P4HA1: variants seen among roughly 807,000 people sequenced by gnomAD.
P4HA1 encodes the protein prolyl 4-hydroxylase subunit alpha-1.
In P4HA1, 24 loss-of-function variants were observed where a neutral mutation model predicts 72.8. The ratio of observed to expected loss-of-function variants is 0.33; its 90% CI spans 0.24 to 0.46. The LOEUF is 0.46. Among genes scored for constraint, P4HA1 ranks in the 20% least tolerant of loss-of-function variants. P4HA1 has a pLI of 1.00. For missense variants in P4HA1, 446 were observed against 640.6 expected (o/e 0.70, Z 3.28); for synonymous variants, 201 against 218.8 (o/e 0.92, Z 0.72).
At chr10:73,071,717 CAT>C (rs1047820244) in intron 4 of P4HA1, among the ~76,000 whole-genome samples, 3 of 151,756 alleles carry the variant, frequency 2.0e-5, no homozygotes, top group Non-Finnish European at 4.4e-5. Context: ...CAGATAAAGA[CAT>C]AAATTTTTAA....
intron 1 of P4HA1, 107 bp downstream of exon 1, chr10:73,096,659 G>GCC (rs1419623180): frequency 1.3e-5 from 2 of 153,452 alleles, no homozygotes; most frequent in East Asian, 3.9e-4. Context: ...GGGAACCCCC[G>GCC]CCCCAGAAGT....
At chr10:73,067,266 A>G (rs1197866372) in intron 5 of P4HA1, among the ~76,000 whole-genome samples, 1 of 152,232 alleles carries the variant, frequency 6.6e-6, no homozygotes, top group Non-Finnish European at 1.5e-5. Flanking sequence ...GTAGCTTGAT[A>G]ATCTATCCAC....
At chr10:73,033,409 T>C (rs984024893) in intron 9 of P4HA1, among the ~76,000 whole-genome samples, 3 of 152,154 alleles carry the variant, frequency 2.0e-5, no homozygotes, top group Non-Finnish European at 2.9e-5. Flanking sequence ...CCTTCAGCCT[T>C]ATAGAGGCAG....
chr10:73,058,794 T>TTTTTTTTA (rs1491300084), intron 5 of P4HA1, among the ~76,000 whole-genome samples: 1 of 137,252 alleles, frequency 7.3e-6, no homozygotes, highest in African/African-American at 2.9e-5. Flanking sequence ...TTTTTTTTTT[T>TTTTTTTTA]GAGACGAAGT....
At chr10:73,051,364 G>C in intron 6 of P4HA1, 115 bp from the exon 7 acceptor site, 1 of 616,712 alleles carries the variant, frequency 1.6e-6, no homozygotes, top group Non-Finnish European at 2.8e-6. Context: ...CCAGGTTGCT[G>C]TTGTGAGTGA....
chr10:73,042,514 C>T (rs945740454), intron 9 of P4HA1, among the ~76,000 whole-genome samples: 3 of 152,062 alleles, frequency 2.0e-5, no homozygotes, highest in South Asian at 2.1e-4. Flanking sequence ...ATATTGAAAA[C>T]GTTGGTAATT....
At chr10:73,040,555 A>C (rs1212291442) in intron 9 of P4HA1, among the ~76,000 whole-genome samples, 1 of 149,280 alleles carries the variant, frequency 6.7e-6, no homozygotes, top group East Asian at 2.0e-4. Context: ...GGCTCACTGC[A>C]ATCTCTACCT....
intron 9 of P4HA1, among the ~76,000 whole-genome samples, chr10:73,040,828 T>C (rs185576610): frequency 6.6e-6 from 1 of 152,318 alleles, no homozygotes; most frequent in East Asian, 1.9e-4. Flanking sequence ...TTTAGCTATT[T>C]ACAAACTTTA....
At chr10:73,065,816 T>C (rs745567797) in intron 5 of P4HA1, among the ~76,000 whole-genome samples, 7 of 151,856 alleles carry the variant, frequency 4.6e-5, no homozygotes, top group Non-Finnish European at 1.0e-4. Context: ...AAGCAAAAAA[T>C]TGGACAAAAT....
intron 1 of P4HA1, among the ~76,000 whole-genome samples, chr10:73,090,910 A>G (rs1264209148): frequency 3.3e-5 from 5 of 151,596 alleles, no homozygotes; most frequent in Non-Finnish European, 7.4e-5. Flanking sequence ...AAAATACAAA[A>G]AAGTAGTCGG....
At chr10:73,048,245 A>G (rs1040705566) in intron 7 of P4HA1, among the ~76,000 whole-genome samples, 4 of 152,106 alleles carry the variant, frequency 2.6e-5, no homozygotes, top group Admixed American at 6.6e-5. Context: ...GAATGTAGCT[A>G]TTCTGAGAAA....
Position 73,049,086 on chromosome 10 carries a change from T to C in P4HA1, c.900+1967A>G, listed in dbSNP as rs1227882473. On this transcript the variant is annotated intron_variant, in intron 7 of 14. Transcript: ENST00000394890. ...GGGCCGAAATGGCGCCACTGCACTC[T>C]AGCCTGAGCAACAGAGCGAGACTCC... is the stretch of plus-strand genomic sequence containing the variant. 8.6e-5 allele frequency among the ~76,000 whole-genome samples: 13 copies of C among 151,132 alleles called. No individual in the cohort carries two copies. The East Asian group carries it at 2.3e-3, about 27-fold the overall frequency.
At chr10:73,041,540 C>T (rs551801000) in intron 9 of P4HA1, among the ~76,000 whole-genome samples, 32 of 142,764 alleles carry the variant, frequency 2.2e-4, no homozygotes, top group South Asian at 1.8e-3. Context: ...AAGACTCCAT[C>T]CCCCCCCCAA....
rs1040220069 is a variant in P4HA1 at position 73,074,841 on chromosome 10, A to C, written c.43T>G (p.Ser15Ala). ...GTAAAAAAGCCTGGATGAGCCAAAG[A>C]CTGGGGAAGCAGAATTCCTATAATT... ...ILIIGILLPQ[S>A]LAHPGFFTSI... The change falls in exon 2 of 15, where the codon TCT becomes GCT. Residue 15 changes from serine (S) to alanine (A), a missense_variant. Physicochemically the swap from Ser to Ala is moderately conservative, Grantham distance 99. Coordinates refer to ENST00000394890, the MANE Select transcript of P4HA1 (RefSeq NM_001017962.3). 14 of 1,577,868 alleles carry C rather than the reference A, an allele frequency of 8.9e-6. No homozygotes were observed. Among genetic ancestry groups the C allele is most frequent in the Admixed American group, 1.7e-5 (1 of 59,830 alleles).
intron 1 of P4HA1, among the ~76,000 whole-genome samples, chr10:73,076,512 T>C (rs1261011518): frequency 1.3e-5 from 2 of 152,190 alleles, no homozygotes; most frequent in Non-Finnish European, 2.9e-5. Flanking sequence ...CTAAGACATG[T>C]CTATGGCCTC....
intron 1 of P4HA1, among the ~76,000 whole-genome samples, chr10:73,095,227 TAAAAAA>T (rs35159575): frequency 0.074 from 5,008 of 67,320 alleles, 281 homozygotes; most frequent in African/African-American, 0.18. Context: ...GCTCACAAGC[TAAAAAA>T]AAAAAAAAAA....
rs181472132 is a variant in P4HA1, at chr10:73,030,549, T to G, written c.1149-179A>C. Among the ~76,000 whole-genome samples the G allele has an allele frequency of 3.9e-5, 6 of 152,300 alleles. No individual in the cohort carries two copies. The East Asian group carries it at 1.2e-3, about 29-fold the overall frequency. On this transcript the variant is annotated intron_variant, in intron 9 of 14. Coordinates refer to ENST00000394890, the MANE Select transcript of P4HA1 (RefSeq NM_001017962.3). ...AATGGATATTGTAATTTTTTTTAAA[T>G]GTCACATTCTACTGTTAGAGGTTGG...
chr10:73,051,766 GAC>G (rs1304183553), intron 6 of P4HA1, among the ~76,000 whole-genome samples: 3 of 152,046 alleles, frequency 2.0e-5, no homozygotes, highest in Non-Finnish European at 4.4e-5. Context: ...TCTCAAAAAA[GAC>G]AGTTCTGGAG....
intron 11 of P4HA1, among the ~76,000 whole-genome samples, chr10:73,016,326 C>A (rs1189198115): frequency 6.6e-6 from 1 of 152,186 alleles, no homozygotes; most frequent in Non-Finnish European, 1.5e-5. Context: ...TAAATTCCCA[C>A]TTTTCCTTGT....
Sources: allele counts gnomAD v4.1 joint callset (sites outside exome capture counted in the v4.1 genomes callset), GRCh38; gene constraint gnomAD v4.1.1; transcripts MANE v1.5; gene names NCBI Gene and HGNC (gene_info 2026-07-23, HGNC 2026-07-21).